The following MAP3K19 variants were observed in gnomAD, a reference collection of about 807,000 sequenced individuals.
MAP3K19 encodes SPS1/STE20-related protein kinase YSK4.
In MAP3K19, 91 loss-of-function variants were observed where a neutral mutation model predicts 114.4. The ratio of observed to expected loss-of-function variants is 0.80; its 90% confidence interval spans 0.67 to 0.95. The LOEUF (loss-of-function observed/expected upper bound fraction) is 0.95, where lower values mean the gene tolerates loss of function less well. Among genes scored for constraint, MAP3K19 ranks in the 40% least tolerant of loss-of-function variants. MAP3K19 has a pLI of 0.00. For missense variants in MAP3K19, 1,471 were observed against 1,573.2 expected, an observed-to-expected ratio of 0.94 and a Z score of 1.10; for synonymous variants, 518 against 530.5, an observed-to-expected ratio of 0.98 and a Z score of 0.32.
At chr2:135,026,397 A>G (rs76213661) in intron 3 of MAP3K19, among the ~76,000 whole-genome samples, 1 of 152,174 alleles carries the variant, frequency 6.6e-6, no homozygotes, top group Non-Finnish European at 1.5e-5. Context: ...TCTCAACACT[A>G]GGCTGAAGTA....
intron 5 of MAP3K19, among the ~76,000 whole-genome samples, chr2:135,017,952 G>A (rs1182893605): frequency 6.6e-6 from 1 of 152,196 alleles, no homozygotes; most frequent in Non-Finnish European, 1.5e-5. Flanking sequence ...ATTTTAAGAT[G>A]TCTGACTTCA....
In MAP3K19 at chr2:134,986,757, G is replaced by A. The variant is rs1685149536; in HGVS notation, c.2115C>T (p.His705=). The A allele has an allele frequency of 6.2e-7, 1 of 1,614,108 alleles. No homozygotes were observed. Among genetic ancestry groups the A allele is most frequent in the Non-Finnish European group, 8.5e-7 (1 of 1,180,004 alleles). Reference sequence around the variant, plus strand: ...TTCTGATATTGCTCTTCCTCTCACTGTGTGAAGATCGACATTTATTGGTGA... The same window carrying A: ...TTCTGATATTGCTCTTCCTCTCACTATGTGAAGATCGACATTTATTGGTGA... The part of the protein sequence containing the change: ...RRITNKCRSS[H]SERKSNIRTR... The change falls in exon 10 of 13, where the codon CAC becomes CAT. Residue 705 remains histidine (H), a synonymous_variant. Coordinates refer to ENST00000392915, the MANE Select transcript of MAP3K19 (RefSeq NM_025052.5).
intron 5 of MAP3K19, among the ~76,000 whole-genome samples, chr2:135,019,299 A>G (rs537831327): frequency 6.6e-6 from 1 of 152,330 alleles, no homozygotes; most frequent in Admixed American, 6.5e-5. Flanking sequence ...GGATGAAAAA[A>G]AGTCAAATTA....
intron 2 of MAP3K19, among the ~76,000 whole-genome samples, chr2:135,037,791 A>C (rs1034753670): frequency 2.2e-4 from 34 of 152,094 alleles, no homozygotes; most frequent in Non-Finnish European, 4.6e-4. Context: ...CTGTCATGCA[A>C]CTCACTGCAT....
chr2:135,027,599 C>T (rs1688289763), intron 3 of MAP3K19, among the ~76,000 whole-genome samples: 1 of 152,194 alleles, frequency 6.6e-6, no homozygotes, highest in Non-Finnish European at 1.5e-5. Flanking sequence ...CATGTCAAGA[C>T]TCTCAAACAG....
At chr2:135,037,707 T>G (rs1327740717) in intron 2 of MAP3K19, among the ~76,000 whole-genome samples, 2 of 152,190 alleles carry the variant, frequency 1.3e-5, no homozygotes, top group Admixed American at 6.5e-5. Context: ...TAGTGTCTCC[T>G]TCTGCAGCAA....
chr2:134,993,889 T>C (rs1181288638), intron 8 of MAP3K19, among the ~76,000 whole-genome samples: 1 of 152,198 alleles, frequency 6.6e-6, no homozygotes, highest in Non-Finnish European at 1.5e-5. Context: ...CATGCACCTG[T>C]ACTCCCAGCT....
At chr2:135,026,636 C>A (rs1688262960) in intron 3 of MAP3K19, among the ~76,000 whole-genome samples, 1 of 151,888 alleles carries the variant, frequency 6.6e-6, no homozygotes, top group Non-Finnish European at 1.5e-5. Flanking sequence ...GCTTATTAAC[C>A]CTCTTATTTA....
intron 1 of MAP3K19, among the ~76,000 whole-genome samples, chr2:135,040,995 T>C (rs1399446066): frequency 2.6e-5 from 4 of 152,182 alleles, no homozygotes; most frequent in Non-Finnish European, 2.9e-5. Flanking sequence ...GGTAAGGATC[T>C]GAAATATGAT....
intron 10 of MAP3K19, among the ~76,000 whole-genome samples, chr2:134,984,074 C>A (rs1290894741): frequency 6.6e-6 from 1 of 152,176 alleles, no homozygotes; most frequent in Non-Finnish European, 1.5e-5. Context: ...AGATCTTAGT[C>A]CTGTTCATCT....
At chr2:134,968,295 G>A (rs111377433) in intron 12 of MAP3K19, among the ~76,000 whole-genome samples, 42,423 of 149,612 alleles carry the variant, frequency 0.28, 6,683 homozygotes, top group Middle Eastern at 0.61. Flanking sequence ...CGATTTCTCA[G>A]TCTTTTCCCC....
chr2:135,045,555 A>G (rs1055788540), intron 1 of MAP3K19, among the ~76,000 whole-genome samples: 10 of 152,232 alleles, frequency 6.6e-5, no homozygotes, highest in African/African-American at 2.4e-4. Flanking sequence ...TAGGCAAGAA[A>G]TAGATATTTA....
At chr2:134,994,304 T>C (rs1685832409) in intron 8 of MAP3K19, among the ~76,000 whole-genome samples, 1 of 152,144 alleles carries the variant, frequency 6.6e-6, no homozygotes, top group South Asian at 2.1e-4. Context: ...AATAAGAATT[T>C]CAGAAAGGAA....
intron 12 of MAP3K19, among the ~76,000 whole-genome samples, chr2:134,976,181 G>C (rs1332006740): frequency 6.6e-6 from 1 of 152,178 alleles, no homozygotes; most frequent in Non-Finnish European, 1.5e-5. Context: ...TGGACCCCAG[G>C]GCGGGATGGA....
intron 5 of MAP3K19, among the ~76,000 whole-genome samples, chr2:135,016,404 G>C (rs541569817): frequency 1.3e-5 from 2 of 152,252 alleles, no homozygotes; most frequent in South Asian, 4.2e-4. Flanking sequence ...TGCCTTAATT[G>C]ATTTAGCTTT....
chr2:134,968,190 C>A (rs942223754), intron 12 of MAP3K19, among the ~76,000 whole-genome samples: 3 of 152,142 alleles, frequency 2.0e-5, no homozygotes, highest in Non-Finnish European at 4.4e-5. Context: ...GGTCACAGAT[C>A]AACAGCATCC....
At chr2:135,025,654 G>A (rs923991776) in intron 3 of MAP3K19, among the ~76,000 whole-genome samples, 5 of 152,054 alleles carry the variant, frequency 3.3e-5, no homozygotes, top group African/African-American at 1.2e-4. Flanking sequence ...CCAAAGTGCT[G>A]GGATTACAGG....
intron 8 of MAP3K19, among the ~76,000 whole-genome samples, chr2:134,995,315 T>G (rs1391605518): frequency 1.2e-5 from 1 of 80,174 alleles, no homozygotes. Flanking sequence ...AGACTCTGTC[T>G]CAAAAAAAAA....
At position 134,999,440 on chromosome 2, in the gene MAP3K19, G is replaced by T. The variant is rs1686274689; in HGVS notation, c.315-443C>A. 6.6e-6 allele frequency among the ~76,000 whole-genome samples: 1 copy of T among 152,102 alleles called. No homozygotes were observed. The highest frequency in any genetic ancestry group is 2.4e-5 in the African/African-American group (1 of 41,426). ...CCATAAAAATGGAAGAAAAATAAAA[G>T]ACATGCAAAAAATAAGCCTCAATTT... On this transcript the variant is annotated intron_variant, in intron 7 of 12. Transcript: ENST00000392915. The surrounding 1 kb of genome is among the most constrained non-coding windows in gnomAD (Gnocchi z 4.1).
Sources: gnomAD v4.1 joint callset for allele counts (sites outside exome capture counted in the v4.1 genomes callset) on GRCh38, gnomAD v4.1.1 for gene constraint, Gnocchi (gnomAD v3.1) non-coding constraint, MANE v1.5 for transcripts, NCBI Gene and HGNC (gene_info 2026-07-23, HGNC 2026-07-21) for gene names.